ZC3H3: variants seen among roughly 807,000 people sequenced by gnomAD.
ZC3H3 encodes the protein zinc finger CCCH-type containing 3.
Under a neutral mutation model 77.3 loss-of-function variants are expected in ZC3H3, and 36 were observed. The observed-to-expected ratio is 0.47, with a 90% CI of 0.36 to 0.61. The LOEUF (loss-of-function observed/expected upper bound fraction) is 0.61, where lower values mean the gene tolerates loss of function less well. Ranked by LOEUF, ZC3H3 falls within the 20% of genes least tolerant of loss-of-function variation. ZC3H3 has a pLI of 0.00. For synonymous variants in ZC3H3, 626 were observed against 555.2 expected (o/e 1.13, Z -1.79); for missense variants, 1,331 against 1,312.2 (o/e 1.01, Z -0.22).
At chr8:143,503,573 G>A (rs1431540522) in intron 4 of ZC3H3, among the ~76,000 whole-genome samples, 4 of 59,462 alleles carry the variant, frequency 6.7e-5, no homozygotes. Context: ...ACCTCCCCCA[G>A]CACCCAGCCG....
rs967858669 is a variant in ZC3H3 at position 143,460,813 on chromosome 8, C to T, written c.2307+4904G>A. Among the ~76,000 whole-genome samples the T allele has an allele frequency of 2.6e-5, 4 of 152,078 alleles. No homozygotes were observed. Among genetic ancestry groups the T allele is most frequent in the Non-Finnish European group, 4.4e-5 (3 of 68,014 alleles). On this transcript the variant is annotated intron_variant, in intron 9 of 11. Transcript: ENST00000262577. The surrounding 1 kb of genome is among the most constrained non-coding windows in gnomAD (Gnocchi z 4.0). ...GACAGATGCTGGATGATTCCACTGA[C>T]GGGACACAGCTAGACCCTGGAAACA...
chr8:143,458,046 A>C (rs896910750), intron 9 of ZC3H3, among the ~76,000 whole-genome samples: 3 of 152,220 alleles, frequency 2.0e-5, no homozygotes, highest in Non-Finnish European at 4.4e-5. Flanking sequence ...TAAAACAAAG[A>C]ATGGGTACTT....
chr8:143,501,493 C>A (rs913950855), intron 4 of ZC3H3, among the ~76,000 whole-genome samples: 6 of 152,244 alleles, frequency 3.9e-5, no homozygotes, highest in African/African-American at 1.2e-4. Context: ...TGTGAGCCAC[C>A]ACGCCTGGCC....
chr8:143,516,562 CACACAT>C lies in ZC3H3; in HGVS notation c.1562-8669_1562-8664del, dbSNP rs1464547528. Among the ~76,000 whole-genome samples, 320 of 96,900 alleles carry C rather than the reference CACACAT, an allele frequency of 3.3e-3. 1 individual carries two copies. Among genetic ancestry groups the C allele is most frequent in the African/African-American group, 0.013 (267 of 21,044 alleles). 63.6% of individuals were successfully genotyped at this position (96,900 alleles called of 152,430 possible). ...ACACACACACACACACACACACACA[CACACAT>C]ACACACACACACTCACTCTCATGCA... is the stretch of plus-strand genomic sequence containing the variant. On this transcript the variant is annotated intron_variant, in intron 3 of 11. Transcript: ENST00000262577.
intron 11 of ZC3H3, among the ~76,000 whole-genome samples, chr8:143,438,798 C>T (rs1043209552): frequency 2.6e-5 from 4 of 152,216 alleles, no homozygotes; most frequent in African/African-American, 9.6e-5. Context: ...GCCCAGGTGC[C>T]CCTCTTCAGG....
chr8:143,535,033 G>T (rs1039604497), intron 3 of ZC3H3, among the ~76,000 whole-genome samples: 1 of 151,968 alleles, frequency 6.6e-6, no homozygotes, highest in Non-Finnish European at 1.5e-5. Context: ...CCTAGATGAC[G>T]GTACGCTTGG....
intron 3 of ZC3H3, among the ~76,000 whole-genome samples, chr8:143,528,269 C>T (rs927605208): frequency 6.6e-6 from 1 of 152,218 alleles, no homozygotes. Context: ...CGCTCCAGCT[C>T]CCCACAAGGC....
At position 143,493,201 on chromosome 8, in the gene ZC3H3, C is replaced by T. The variant is rs895876677; in HGVS notation, c.1715+14545G>A. ...CCCAGGGGCTCCCTCCTCAGGGTCC[C>T]GTGTCCTGGCCCAGGGGCTCCCTCC... On this transcript the variant is annotated intron_variant, in intron 4 of 11. Coordinates refer to ENST00000262577, the MANE Select transcript of ZC3H3 (RefSeq NM_015117.3). This position sits in a 1 kb window ranked among gnomAD's most constrained non-coding sequence, Gnocchi z 4.8. 6.6e-6 allele frequency among the ~76,000 whole-genome samples: 1 copy of T among 151,038 alleles called. No homozygotes were observed. Among genetic ancestry groups the T allele is most frequent in the South Asian group, 2.1e-4 (1 of 4,750 alleles).
rs1239993690 is a variant in ZC3H3, at chr8:143,530,216, G to A, written c.1561+6041C>T. Reference sequence around the variant, plus strand: ...GGCCCTTTCTGTCCACCACAGGTGTGCCCAGGACCTGCCAGGCCCGCACCC... The same window carrying A: ...GGCCCTTTCTGTCCACCACAGGTGTACCCAGGACCTGCCAGGCCCGCACCC... On this transcript the variant is annotated intron_variant, in intron 3 of 11. Transcript: ENST00000262577. This position sits in a 1 kb window ranked among gnomAD's most constrained non-coding sequence, Gnocchi z 4.3. Among the ~76,000 whole-genome samples, 3 of 152,084 alleles carry A rather than the reference G, an allele frequency of 2.0e-5. No individual in the cohort carries two copies. In the East Asian group the frequency reaches 5.8e-4, roughly 29 times the overall value.
rs756678279 is a variant in ZC3H3, at chr8:143,538,189, C to G, written c.1178G>C (p.Arg393Pro). ...CTTGCTGCTGGCCTCCGACTGCCAA[C>G]GGAAGGAGGAAGAGGAGGAGGCAGA... ...SPSASSSSSF[R>P]WQSEASSKDH... The change falls in exon 2 of 12, where the codon CGT (arginine) becomes CCT (proline). Residue 393 changes from arginine to proline, a missense_variant. By Grantham distance (103) the Arg-to-Pro change is moderately radical. This residue lies in a region of ZC3H3 where 978 missense variants were observed against 915.5 expected (regional missense o/e 1.07). Coordinates refer to ENST00000262577, the MANE Select transcript of ZC3H3 (RefSeq NM_015117.3). 6.2e-7 allele frequency: 1 copy of G among 1,612,996 alleles called. No individual in the cohort carries two copies. The highest frequency in any genetic ancestry group is 1.1e-5 in the South Asian group (1 of 91,084).
intron 4 of ZC3H3, among the ~76,000 whole-genome samples, chr8:143,492,767 C>A (rs582184): frequency 2.3e-5 from 3 of 130,238 alleles, no homozygotes; most frequent in East Asian, 2.4e-4. Flanking sequence ...CCAGGGGCTC[C>A]CTCCTCAGGG....
rs1213747989 is a variant in ZC3H3, at chr8:143,538,984, T to G, written c.383A>C (p.Lys128Thr). Reference sequence around the variant, plus strand: ...GGCAGAGCCAGACTTTGATGGCGGTTTAACTTTGATGACCACGTTCTGACC... The same window carrying G: ...GGCAGAGCCAGACTTTGATGGCGGTGTAACTTTGATGACCACGTTCTGACC... ...SQGQNVVIKV[K>T]PPSKSGSASA... Residue 128 changes from lysine to threonine, a missense_variant, in exon 2 of 12, where the codon AAA becomes ACA. Transcript: ENST00000262577. 3 of 1,612,942 alleles carry G rather than the reference T, an allele frequency of 1.9e-6. No individual in the cohort carries two copies. The African/African-American group carries it at 4.0e-5, about 22-fold the overall frequency.
At chr8:143,441,168 C>T (rs941840354) in intron 9 of ZC3H3, 48 bp from the exon 10 acceptor site, 41 of 1,361,122 alleles carry the variant, frequency 3.0e-5, no homozygotes, top group East Asian at 1.2e-4. Context: ...GAGGCTGTGG[C>T]GCTGCACGGG....
chr8:143,536,788 G>A (rs1413396920), intron 2 of ZC3H3, among the ~76,000 whole-genome samples: 4 of 152,116 alleles, frequency 2.6e-5, no homozygotes, highest in Non-Finnish European at 5.9e-5. Context: ...GAGCCTCTAC[G>A]TGGGGCAAAG....
At chr8:143,507,288 C>T (rs1287923150) in intron 4 of ZC3H3, among the ~76,000 whole-genome samples, 2 of 152,264 alleles carry the variant, frequency 1.3e-5, no homozygotes, top group African/African-American at 4.8e-5. Context: ...CAGCCAGCAG[C>T]AGGGCAAGGA....
intron 9 of ZC3H3, among the ~76,000 whole-genome samples, chr8:143,451,964 CT>C (rs1819998795): frequency 6.6e-6 from 1 of 152,220 alleles, no homozygotes; most frequent in South Asian, 2.1e-4. Flanking sequence ...CGGGGCACGA[CT>C]GGTGCTGGGT....
intron 4 of ZC3H3, among the ~76,000 whole-genome samples, chr8:143,499,146 C>T (rs1821449396): frequency 6.6e-6 from 1 of 152,156 alleles, no homozygotes; most frequent in Non-Finnish European, 1.5e-5. Context: ...TCAGCAGAGG[C>T]TCCTGGCTGT....
chr8:143,499,696 C>T (rs907467391), intron 4 of ZC3H3, among the ~76,000 whole-genome samples: 4 of 152,150 alleles, frequency 2.6e-5, no homozygotes, highest in South Asian at 4.1e-4. Flanking sequence ...GAGCCAGCAC[C>T]GGGCAGCAAG....
Position 143,489,780 on chromosome 8 carries a change from G to A in ZC3H3, c.1716-14195C>T, listed in dbSNP as rs182312339. Among the ~76,000 whole-genome samples the A allele has an allele frequency of 4.9e-4, 75 of 152,328 alleles. No homozygotes were observed. The East Asian group carries it at 0.012, about 24-fold the overall frequency. ...GGAGGCTCCCACGCTGTTAAATCAA[G>A]CGCCTTGCCAATTAAGTGCTGACTT... On this transcript the variant is annotated intron_variant, in intron 4 of 11. Transcript: ENST00000262577.
Sources: gnomAD v4.1 joint callset for allele counts (sites outside exome capture counted in the v4.1 genomes callset) on GRCh38, gnomAD v4.1.1 for gene constraint, gnomAD v4.1.1 regional missense constraint, Gnocchi (gnomAD v3.1) non-coding constraint, MANE v1.5 for transcripts, NCBI Gene and HGNC (gene_info 2026-07-23, HGNC 2026-07-21) for gene names.